The following PARP8 variants were observed in gnomAD, a reference collection of about 807,000 sequenced individuals.
PARP8 encodes protein mono-ADP-ribosyltransferase PARP8.
PARP8 carries 51 observed loss-of-function variants against 124.1 expected under a neutral mutation model. The observed-to-expected ratio is 0.41, with a 90% confidence interval of 0.33 to 0.52. The LOEUF is 0.52. Ranked by LOEUF, PARP8 falls within the 20% of genes least tolerant of loss-of-function variation. The pLI is 0.21. For missense variants in PARP8, 860 were observed against 1,018.9 expected, an observed-to-expected ratio of 0.84 and a Z score of 2.12; for synonymous variants, 391 against 361.5, an observed-to-expected ratio of 1.08 and a Z score of -0.93.
At chr5:50,693,156 T>A (rs61479216) in intron 2 of PARP8, among the ~76,000 whole-genome samples, 31,255 of 152,124 alleles carry the variant, frequency 0.21, 3,384 homozygotes, top group South Asian at 0.34. Context: ...TTTCTTGCCT[T>A]AATTATTTAT....
At chr5:50,744,905 G>C in intron 2 of PARP8, 1 of 630,140 alleles carries the variant, frequency 1.6e-6, no homozygotes, top group Non-Finnish European at 2.8e-6. Flanking sequence ...ATTATGTACA[G>C]CACATACTAA....
intron 3 of PARP8, among the ~76,000 whole-genome samples, chr5:50,756,627 A>G (rs1385483086): frequency 3.9e-5 from 6 of 152,138 alleles, no homozygotes; most frequent in Non-Finnish European, 8.8e-5. Flanking sequence ...TCTTAATCTT[A>G]AAATATTTAA....
chr5:50,826,747 A>C lies in PARP8; in HGVS notation c.1929-8A>C. The stretch of plus-strand genomic sequence containing the variant: ...GTATTTGTGACTAATGGATCATTTT[A>C]ATTTCAGGGTTATATCAAGTAATAG... On this transcript the variant is annotated splice_polypyrimidine_tract_variant and splice_region_variant and intron_variant, in intron 18 of 25. Transcript: ENST00000281631. 4 of 1,579,482 alleles carry C rather than the reference A, an allele frequency of 2.5e-6. No homozygotes were observed. Among genetic ancestry groups the C allele is most frequent in the Non-Finnish European group, 3.4e-6 (4 of 1,169,060 alleles).
chr5:50,777,160 G>C (rs1426090454), intron 7 of PARP8, among the ~76,000 whole-genome samples: 1 of 152,128 alleles, frequency 6.6e-6, no homozygotes, highest in Admixed American at 6.5e-5. Flanking sequence ...AAGTTACTTT[G>C]TACTCTGGGC....
chr5:50,835,405 C>G (rs1305383016), intron 25 of PARP8, among the ~76,000 whole-genome samples: 56 of 151,908 alleles, frequency 3.7e-4, no homozygotes, highest in Non-Finnish European at 1.5e-5. Flanking sequence ...TAGCTGGGCG[C>G]GGTGGTGCAT....
intron 14 of PARP8, among the ~76,000 whole-genome samples, chr5:50,797,602 G>A (rs773765779): frequency 2.6e-5 from 4 of 152,282 alleles, no homozygotes; most frequent in Non-Finnish European, 5.9e-5. Flanking sequence ...AATTTAAGAT[G>A]CTGAATATGT....
chr5:50,696,247 A>G (rs1253341415), intron 2 of PARP8, among the ~76,000 whole-genome samples: 1 of 152,184 alleles, frequency 6.6e-6, no homozygotes, highest in Non-Finnish European at 1.5e-5. Context: ...AAATAGCAAA[A>G]AGAAAATACA....
In PARP8 at chr5:50,750,152, G is replaced by T. The variant is rs575748388; in HGVS notation, c.148G>T (p.Val50Leu). The T allele has an allele frequency of 1.5e-4, 244 of 1,581,632 alleles. 3 individuals are homozygous for T. In the South Asian group the frequency reaches 2.5e-3, roughly 16 times the overall value. The change falls in exon 3 of 26, where the codon GTA becomes TTA. Residue 50 changes from valine to leucine, a missense_variant and splice_region_variant. Val to Leu is a conservative substitution (Grantham distance 32, BLOSUM62 1). Transcript: ENST00000281631. ...TFTYVGGPRS[V>L]SYSVHVSEDY... ...TTTTTTGTTTGTTTGTTTTAACAGT[G>T]TATCCTACTCAGTACATGTATCTGA...
At chr5:50,780,493 T>C (rs986878152) in intron 9 of PARP8, among the ~76,000 whole-genome samples, 28 of 152,224 alleles carry the variant, frequency 1.8e-4, no homozygotes, top group African/African-American at 6.8e-4. Context: ...TTTTTTGATA[T>C]AATCTTGAAT....
chr5:50,700,274 T>TG (rs1753455626), intron 2 of PARP8, among the ~76,000 whole-genome samples: 1 of 152,220 alleles, frequency 6.6e-6, no homozygotes, highest in Non-Finnish European at 1.5e-5. Context: ...TACCTTTAAA[T>TG]GGTTTTCCTC....
Position 50,828,313 on chromosome 5 carries a change from G to A in PARP8, c.2092G>A (p.Gly698Ser). The A allele has an allele frequency of 6.2e-7, 1 of 1,613,022 alleles. No individual in the cohort carries two copies. Among genetic ancestry groups the A allele is most frequent in the Non-Finnish European group, 8.5e-7 (1 of 1,179,428 alleles). ...TTTCCTTTCCGTCTGTTTTTTTAGTGGCTCACACATTGAAAACTGGCACTC... is the reference window on the plus strand; with the variant it reads ...TTTCCTTTCCGTCTGTTTTTTTAGTAGCTCACACATTGAAAACTGGCACTC... ...KLFGSTFAFH[G>S]SHIENWHSIL... Residue 698 changes from glycine (G) to serine (S), a missense_variant and splice_region_variant, in exon 21 of 26, where the codon GGC becomes AGC. Gly to Ser is a moderately conservative substitution (Grantham distance 56, BLOSUM62 0). Coordinates refer to ENST00000281631, the MANE Select transcript of PARP8 (RefSeq NM_024615.4).
Position 50,778,668 on chromosome 5 carries a change from A to C in PARP8, c.670+18A>C, listed in dbSNP as rs575203529. ...TGGCCCAGGTTAGTTTTATTTCTTT[A>C]TTTATTATTTTGAATATTAATTAGC... On this transcript the variant is annotated intron_variant, in intron 9 of 25. Coordinates refer to ENST00000281631, the MANE Select transcript of PARP8 (RefSeq NM_024615.4). 2 of 1,518,706 alleles carry C rather than the reference A, an allele frequency of 1.3e-6. No individual in the cohort carries two copies. The highest frequency in any genetic ancestry group is 2.8e-5 in the African/African-American group (2 of 71,920). The allele number at this position is 1,518,706 out of a possible 1,614,324, so 94.1% of individuals were successfully genotyped here.
chr5:50,733,171 T>G (rs773194727), intron 2 of PARP8, among the ~76,000 whole-genome samples: 21 of 151,594 alleles, frequency 1.4e-4, no homozygotes, highest in Admixed American at 1.1e-3. Context: ...AGGCGTGGTG[T>G]TGTGTGCCTA....
At chr5:50,682,138 A>G (rs569309667) in intron 2 of PARP8, among the ~76,000 whole-genome samples, 2 of 152,288 alleles carry the variant, frequency 1.3e-5, no homozygotes, top group African/African-American at 2.4e-5. Context: ...GCAGATGGCA[A>G]TACATAGATG....
chr5:50,794,356 T>C (rs1214212487), intron 11 of PARP8, 24 bp downstream of exon 11: 1 of 1,610,196 alleles, frequency 6.2e-7, no homozygotes, highest in African/African-American at 1.3e-5. Flanking sequence ...AACTTCGTCA[T>C]TGTCTTACTG....
chr5:50,814,094 T>C (rs567623747), intron 14 of PARP8, among the ~76,000 whole-genome samples: 1 of 152,146 alleles, frequency 6.6e-6, no homozygotes, highest in South Asian at 2.1e-4. Context: ...GTTTATCTTC[T>C]CCTTGGATTC....
chr5:50,825,470 G>C (rs745964269), intron 18 of PARP8, among the ~76,000 whole-genome samples: 7 of 152,164 alleles, frequency 4.6e-5, no homozygotes, highest in Non-Finnish European at 7.4e-5. Context: ...CACAGTTTCA[G>C]AGTGAGCCTG....
At chr5:50,744,995 C>A in intron 2 of PARP8, 1 of 489,436 alleles carries the variant, frequency 2.0e-6, no homozygotes, top group Non-Finnish European at 3.6e-6. Flanking sequence ...GCCAATCATC[C>A]ATGTCTGTTT....
chr5:50,801,368 G>A (rs184880367), intron 14 of PARP8, among the ~76,000 whole-genome samples: 2 of 152,228 alleles, frequency 1.3e-5, no homozygotes, highest in East Asian at 3.9e-4. Flanking sequence ...CAAAGTGATG[G>A]GATTACAGGC....
Sources: gnomAD v4.1 joint callset for allele counts (sites outside exome capture counted in the v4.1 genomes callset) on GRCh38, gnomAD v4.1.1 for gene constraint, MANE v1.5 for transcripts, NCBI Gene and HGNC (gene_info 2026-07-23, HGNC 2026-07-21) for gene names.